Variants in SLX4IP observed in about 807,000 individuals in gnomAD.
SLX4IP encodes SLX4 interacting protein, also known as protein SLX4IP.
SLX4IP carries 34 observed loss-of-function variants against 32.9 expected under a neutral mutation model. The ratio of observed to expected loss-of-function variants is 1.03; its 90% CI spans 0.79 to 1.38. The LOEUF (loss-of-function observed/expected upper bound fraction) is 1.38, where lower values mean the gene tolerates loss of function less well. SLX4IP is among the 40% of genes most tolerant of loss of function. SLX4IP has a pLI of 0.00. For synonymous variants in SLX4IP, 172 were observed against 171.7 expected, an observed-to-expected ratio of 1.00 and a Z score of -0.01; for missense variants, 444 against 479.0, an observed-to-expected ratio of 0.93 and a Z score of 0.68.
chr20:10,576,821 C>T (rs1217244161), intron 4 of SLX4IP, among the ~76,000 whole-genome samples: 1 of 152,098 alleles, frequency 6.6e-6, no homozygotes, highest in Non-Finnish European at 1.5e-5. Context: ...TGAAAGGGGA[C>T]ACCAAAAATA....
intron 4 of SLX4IP, among the ~76,000 whole-genome samples, chr20:10,574,584 C>T (rs976335023): frequency 5.9e-5 from 9 of 152,094 alleles, no homozygotes; most frequent in South Asian, 4.1e-4. Flanking sequence ...ACCAGACTTT[C>T]GGCATATCTG....
chr20:10,454,388 T>TAG (rs2065268023), intron 1 of SLX4IP, among the ~76,000 whole-genome samples: 2 of 150,244 alleles, frequency 1.3e-5, no homozygotes, highest in African/African-American at 4.9e-5. Flanking sequence ...ATGGGCAGGG[T>TAG]AGAGAGGCAT....
At chr20:10,538,894 C>T (rs1202057531) in intron 2 of SLX4IP, among the ~76,000 whole-genome samples, 1 of 152,160 alleles carries the variant, frequency 6.6e-6, no homozygotes, top group Non-Finnish European at 1.5e-5. Context: ...TGATTCATGG[C>T]ACACAGTGGA....
rs539453040 is a variant in SLX4IP at position 10,507,919 on chromosome 20, TAC to T, written c.28-48310_28-48309del. ...ACAGTCTCCTTTATATATATATATA[TAC>T]ATATATGTATATTTGAGATATATAT... On this transcript the variant is annotated intron_variant, in intron 2 of 7. Coordinates refer to ENST00000334534, the MANE Select transcript of SLX4IP (RefSeq NM_001009608.3). 6.6e-5 allele frequency among the ~76,000 whole-genome samples: 10 copies of T among 150,530 alleles called. No homozygotes were observed. The South Asian group carries it at 2.1e-3, about 32-fold the overall frequency.
At chr20:10,481,761 G>A (rs1355599005) in intron 2 of SLX4IP, among the ~76,000 whole-genome samples, 1 of 152,142 alleles carries the variant, frequency 6.6e-6, no homozygotes, top group East Asian at 1.9e-4. Flanking sequence ...TTAGCTGAGA[G>A]CCCCTTGCTC....
chr20:10,485,780 G>C (rs1046891410), intron 2 of SLX4IP, among the ~76,000 whole-genome samples: 1 of 152,038 alleles, frequency 6.6e-6, no homozygotes, highest in Non-Finnish European at 1.5e-5. Context: ...TAGTAAACTA[G>C]AGAACATATA....
chr20:10,562,086 C>CA (rs2077367199), intron 4 of SLX4IP, among the ~76,000 whole-genome samples: 1 of 152,162 alleles, frequency 6.6e-6, no homozygotes, highest in African/African-American at 2.4e-5. Flanking sequence ...TACAGATCCT[C>CA]AAGCCCCAGT....
intron 4 of SLX4IP, among the ~76,000 whole-genome samples, chr20:10,587,722 A>G (rs1297681067): frequency 6.6e-6 from 1 of 152,204 alleles, no homozygotes; most frequent in Non-Finnish European, 1.5e-5. Context: ...ATTCTTTGAC[A>G]AGAGCACCAA....
In SLX4IP at chr20:10,623,534, T is replaced by C. The variant is rs952687290; in HGVS notation, c.*155T>C. 7.6e-5 allele frequency: 84 copies of C among 1,108,934 alleles called. No homozygotes were observed. The highest frequency in any genetic ancestry group is 1.0e-4 in the Non-Finnish European group (82 of 804,988). 68.7% of individuals were successfully genotyped at this position (1,108,934 alleles called of 1,614,324 possible). A position where few individuals can be genotyped will look rare whatever the true frequency, so the allele number is the denominator to read the frequency against. ...ATCTGTGTTATGGCTATGGTTTGTT[T>C]TCAAAGCATTTCAAACCGGGAGGCT... On this transcript the variant is annotated 3_prime_UTR_variant, in exon 8 of 8. Transcript: ENST00000334534.
At position 10,550,588 on chromosome 20, in the gene SLX4IP, G is replaced by A. The variant is rs1017480268; in HGVS notation, c.28-5643G>A. Among the ~76,000 whole-genome samples, 6 of 152,060 alleles carry A rather than the reference G, an allele frequency of 3.9e-5. No individual in the cohort carries two copies. In the South Asian group the frequency reaches 8.3e-4, roughly 21 times the overall value. Reference sequence around the variant, plus strand: ...TGGCTCCAGTGATTTCCCCTTGCCCGCCCATGCTCCACACTCCTACCCAAG... The same window carrying A: ...TGGCTCCAGTGATTTCCCCTTGCCCACCCATGCTCCACACTCCTACCCAAG... On this transcript the variant is annotated intron_variant, in intron 2 of 7. Coordinates refer to ENST00000334534, the MANE Select transcript of SLX4IP (RefSeq NM_001009608.3).
In SLX4IP at chr20:10,508,747, T is replaced by G. The variant is rs1473717107; in HGVS notation, c.28-47484T>G. On this transcript the variant is annotated intron_variant, in intron 2 of 7. Coordinates refer to ENST00000334534, the MANE Select transcript of SLX4IP (RefSeq NM_001009608.3). ...CCCTTCTTGCTGTTGTCAGTGAGCC[T>G]GCTTCTAACTCTGCTTCAGTTGCAT... 2.0e-5 allele frequency among the ~76,000 whole-genome samples: 3 copies of G among 152,212 alleles called. No homozygotes were observed. In the East Asian group the frequency reaches 5.8e-4, roughly 29 times the overall value.
At chr20:10,609,654 C>T (rs780191640) in intron 6 of SLX4IP, among the ~76,000 whole-genome samples, 17 of 152,206 alleles carry the variant, frequency 1.1e-4, no homozygotes, top group Non-Finnish European at 2.5e-4. Flanking sequence ...CACCATGTCC[C>T]TGTTCAGGCC....
At chr20:10,553,038 T>C (rs2066233446) in intron 2 of SLX4IP, among the ~76,000 whole-genome samples, 1 of 152,202 alleles carries the variant, frequency 6.6e-6, no homozygotes, top group Non-Finnish European at 1.5e-5. Context: ...GGAACTTCAA[T>C]GGGCCTGTGA....
intron 2 of SLX4IP, among the ~76,000 whole-genome samples, chr20:10,538,124 T>C (rs566894350): frequency 6.6e-6 from 1 of 152,306 alleles, no homozygotes; most frequent in East Asian, 1.9e-4. Flanking sequence ...TTCTTTGTTG[T>C]TCCGGGCAGC....
chr20:10,582,010 C>T (rs656478), intron 4 of SLX4IP, among the ~76,000 whole-genome samples: 93,221 of 152,028 alleles, frequency 0.61, 28,847 homozygotes, highest in South Asian at 0.77. Context: ...AAAGTGATTC[C>T]GTGGGGTGGA....
intron 2 of SLX4IP, among the ~76,000 whole-genome samples, chr20:10,520,998 T>C (rs1202987813): frequency 1.3e-5 from 2 of 152,238 alleles, no homozygotes; most frequent in East Asian, 1.9e-4. Context: ...TTTAAAACAG[T>C]ATATTTAATT....
intron 6 of SLX4IP, among the ~76,000 whole-genome samples, chr20:10,610,504 G>A (rs1397842620): frequency 6.6e-6 from 1 of 152,210 alleles, no homozygotes; most frequent in Non-Finnish European, 1.5e-5. Context: ...GCCCCTCACT[G>A]TGGGAACTGG....
At chr20:10,548,547 C>A (rs776681708) in intron 2 of SLX4IP, among the ~76,000 whole-genome samples, 1 of 152,044 alleles carries the variant, frequency 6.6e-6, no homozygotes, top group Non-Finnish European at 1.5e-5. Context: ...CCTCTCCAGG[C>A]CTTCTTTGTG....
intron 1 of SLX4IP, among the ~76,000 whole-genome samples, chr20:10,450,046 C>T (rs2065229742): frequency 1.3e-5 from 2 of 152,110 alleles, no homozygotes; most frequent in African/African-American, 4.8e-5. Flanking sequence ...AGTAACCTCA[C>T]TGTAATATGG....
Sources: gnomAD v4.1 joint callset for allele counts (sites outside exome capture counted in the v4.1 genomes callset) on GRCh38, gnomAD v4.1.1 for gene constraint, MANE v1.5 for transcripts, NCBI Gene and HGNC (gene_info 2026-07-23, HGNC 2026-07-21) for gene names.